Variants in KCNN3 observed in about 807,000 individuals in gnomAD.
KCNN3 encodes small conductance calcium-activated potassium channel protein 3.
A neutral mutation model predicts 62.9 loss-of-function variants in KCNN3; 16 were observed. The ratio of observed to expected loss-of-function variants is 0.25; its 90% CI spans 0.17 to 0.39. The LOEUF is 0.39. KCNN3 is among the 10% of genes least tolerant of loss of function. The probability of loss-of-function intolerance (pLI) is 1.00; values close to 1 mark genes in which losing one functional copy is unlikely to be tolerated. For missense variants in KCNN3, 599 were observed against 949.4 expected, an observed-to-expected ratio of 0.63 and a Z score of 4.85; for synonymous variants, 370 against 389.2, an observed-to-expected ratio of 0.95 and a Z score of 0.58.
At chr1:154,776,066 G>T (rs764013230) in intron 2 of KCNN3, among the ~76,000 whole-genome samples, 1 of 152,210 alleles carries the variant, frequency 6.6e-6, no homozygotes, top group Non-Finnish European at 1.5e-5. Flanking sequence ...GAGACGGGAG[G>T]GTGCTGGTCC....
chr1:154,707,941 C>A lies in KCNN3; in HGVS notation c.*35G>T. 6.2e-7 allele frequency: 1 copy of A among 1,604,330 alleles called. No homozygotes were observed. The highest frequency in any genetic ancestry group is 8.5e-7 in the Non-Finnish European group (1 of 1,173,634). ...GAGAGAGTTGATTTGCATCTTAAGA[C>A]CTATGGGTAATGCTTCTGGAGTGGG... On this transcript the variant is annotated 3_prime_UTR_variant, in exon 8 of 8. Coordinates refer to ENST00000271915, the MANE Select transcript of KCNN3 (RefSeq NM_002249.6).
At chr1:154,867,738 C>G (rs1360467914) in intron 1 of KCNN3, among the ~76,000 whole-genome samples, 1 of 149,058 alleles carries the variant, frequency 6.7e-6, no homozygotes, top group Admixed American at 6.7e-5. Flanking sequence ...ACCAAGCCAC[C>G]CCCTGCCCCA....
At chr1:154,856,762 C>T (rs187507548) in intron 1 of KCNN3, among the ~76,000 whole-genome samples, 183 of 152,316 alleles carry the variant, frequency 1.2e-3, no homozygotes, top group African/African-American at 4.2e-3. Context: ...CAAAGCCACA[C>T]AGCCTACAGT....
intron 2 of KCNN3, among the ~76,000 whole-genome samples, chr1:154,805,045 C>T (rs923688383): frequency 1.1e-4 from 17 of 152,296 alleles, no homozygotes; most frequent in East Asian, 5.8e-4. Flanking sequence ...GCAAGAGGGG[C>T]GTGAGAGATG....
intron 7 of KCNN3, among the ~76,000 whole-genome samples, chr1:154,708,911 G>A (rs1700019327): frequency 6.6e-6 from 1 of 152,140 alleles, no homozygotes. Context: ...GCTGAGGTGT[G>A]GCCCTTCGCC....
chr1:154,719,453 C>T (rs1371615087), intron 5 of KCNN3, among the ~76,000 whole-genome samples: 2 of 152,152 alleles, frequency 1.3e-5, no homozygotes, highest in African/African-American at 4.8e-5. Flanking sequence ...TGGCACATTC[C>T]TGTACTGTAG....
At chr1:154,774,437 G>A (rs1041211085) in intron 2 of KCNN3, among the ~76,000 whole-genome samples, 1 of 152,178 alleles carries the variant, frequency 6.6e-6, no homozygotes, top group African/African-American at 2.4e-5. Context: ...CCCCTCTGGG[G>A]CCTCAGTCTT....
chr1:154,735,577 C>A (rs1700696699), intron 3 of KCNN3, among the ~76,000 whole-genome samples: 1 of 152,016 alleles, frequency 6.6e-6, no homozygotes, highest in African/African-American at 2.4e-5. Flanking sequence ...TGCCTTTGCT[C>A]CCCTGGCTAT....
rs1254417338 is a variant in KCNN3, at chr1:154,862,051, T to C, written c.933+6981A>G. Among the ~76,000 whole-genome samples the C allele has an allele frequency of 6.6e-6, 1 of 152,006 alleles. No homozygotes were observed. The highest frequency in any genetic ancestry group is 1.5e-5 in the Non-Finnish European group (1 of 67,994). On this transcript the variant is annotated intron_variant, in intron 1 of 7. Transcript: ENST00000271915. This position sits in a 1 kb window ranked among gnomAD's most constrained non-coding sequence, Gnocchi z 4.1. ...GACGCAGGAAAATGGGACTCAAGAA[T>C]GAAAAAGAAACTTCTAGAACCAGGA...
chr1:154,811,836 A>T (rs1022230794), intron 2 of KCNN3, among the ~76,000 whole-genome samples: 1 of 152,216 alleles, frequency 6.6e-6, no homozygotes, highest in Admixed American at 6.5e-5. Context: ...AACACTAAAG[A>T]TTCAACAGTG....
intron 6 of KCNN3, among the ~76,000 whole-genome samples, chr1:154,714,522 G>A: frequency 9.1e-6 from 1 of 109,744 alleles, no homozygotes; most frequent in East Asian, 3.0e-4. Context: ...TGTGTGTGGT[G>A]TTTGTGTGTG....
intron 3 of KCNN3, among the ~76,000 whole-genome samples, chr1:154,736,853 T>G (rs984237678): frequency 6.6e-6 from 1 of 152,158 alleles, no homozygotes; most frequent in Non-Finnish European, 1.5e-5. Context: ...CATAATAAAC[T>G]CCTGTGCGTG....
At chr1:154,754,616 G>T (rs891946155) in intron 3 of KCNN3, among the ~76,000 whole-genome samples, 1 of 152,146 alleles carries the variant, frequency 6.6e-6, no homozygotes, top group African/African-American at 2.4e-5. Context: ...TGGCTAAAAG[G>T]TAGGTGGGAT....
At chr1:154,745,995 C>T (rs113839963) in intron 3 of KCNN3, among the ~76,000 whole-genome samples, 38 of 152,184 alleles carry the variant, frequency 2.5e-4, no homozygotes, top group African/African-American at 8.2e-4. Flanking sequence ...CTAGGGAAGG[C>T]GCTTACCTCT....
intron 3 of KCNN3, among the ~76,000 whole-genome samples, chr1:154,750,949 C>A (rs961839509): frequency 6.6e-6 from 1 of 152,236 alleles, no homozygotes; most frequent in African/African-American, 2.4e-5. Context: ...GCTGTGTCAG[C>A]TTTACCATCA....
At chr1:154,838,315 G>A (rs148832576) in intron 1 of KCNN3, among the ~76,000 whole-genome samples, 2 of 151,998 alleles carry the variant, frequency 1.3e-5, no homozygotes, top group African/African-American at 4.8e-5. Context: ...CCCTACTCCC[G>A]GGCTCCTTCT....
intron 1 of KCNN3, among the ~76,000 whole-genome samples, chr1:154,861,610 G>A (rs981085275): frequency 4.6e-5 from 7 of 152,074 alleles, no homozygotes; most frequent in African/African-American, 1.7e-4. Context: ...GTCCTTCAGG[G>A]ACCCCCCAAC....
intron 2 of KCNN3, among the ~76,000 whole-genome samples, chr1:154,778,501 GA>G (rs1304395063): frequency 6.6e-6 from 1 of 151,508 alleles, no homozygotes; most frequent in Non-Finnish European, 1.5e-5. Context: ...GCAGCTTGCA[GA>G]AAAGGCCACA....
chr1:154,830,314 G>A (rs1313497747), intron 1 of KCNN3, among the ~76,000 whole-genome samples: 3 of 152,218 alleles, frequency 2.0e-5, no homozygotes, highest in East Asian at 3.8e-4. Context: ...CACCGTCCCT[G>A]GATGAGGAAG....
Sources: allele counts gnomAD v4.1 joint callset (sites outside exome capture counted in the v4.1 genomes callset), GRCh38; gene constraint gnomAD v4.1.1; non-coding constraint Gnocchi (gnomAD v3.1); transcripts MANE v1.5; gene names NCBI Gene and HGNC (gene_info 2026-07-23, HGNC 2026-07-21).